Variants in RASAL2 observed in about 807,000 individuals in gnomAD.
The protein encoded by RASAL2 is ras GTPase-activating protein nGAP.
A neutral mutation model predicts 128.9 loss-of-function variants in RASAL2; 58 were observed. That is an observed-to-expected ratio of 0.45 (90% CI 0.36 to 0.56). RASAL2 has a LOEUF of 0.56. Among genes scored for constraint, RASAL2 ranks in the 20% least tolerant of loss-of-function variants. The pLI is 0.00. For synonymous variants in RASAL2, 561 were observed against 580.8 expected (o/e 0.97, Z 0.49); for missense variants, 1,360 against 1,601.6 (o/e 0.85, Z 2.57).
chr1:178,176,255 G>A (rs1043710119), intron 1 of RASAL2, among the ~76,000 whole-genome samples: 16 of 151,994 alleles, frequency 1.1e-4, no homozygotes, highest in African/African-American at 3.6e-4. Context: ...CCATTCTTGC[G>A]TGGCCATTAT....
intron 4 of RASAL2, among the ~76,000 whole-genome samples, chr1:178,416,590 A>G (rs927195919): frequency 3.3e-5 from 5 of 152,034 alleles, no homozygotes; most frequent in South Asian, 2.1e-4. Flanking sequence ...TTTGTGACCT[A>G]TATTGTTTTC....
intron 1 of RASAL2, among the ~76,000 whole-genome samples, chr1:178,107,118 A>AT (rs1416497869): frequency 2.0e-5 from 3 of 152,096 alleles, no homozygotes; most frequent in African/African-American, 7.2e-5. Context: ...TCATTTCTCC[A>AT]TTTTATCAGG....
intron 3 of RASAL2, among the ~76,000 whole-genome samples, chr1:178,311,469 C>G (rs1571834166): frequency 6.6e-6 from 1 of 152,060 alleles, no homozygotes; most frequent in South Asian, 2.1e-4. Flanking sequence ...CTCCTCTTCC[C>G]CATTCCACTG....
intron 5 of RASAL2, among the ~76,000 whole-genome samples, chr1:178,428,473 C>CTTTTTTTTTTTTTTT (rs1557981640): frequency 6.6e-6 from 1 of 151,378 alleles, no homozygotes; most frequent in African/African-American, 2.4e-5. Flanking sequence ...ATGATTTTAG[C>CTTTTTTTTTTTTTTT]TTTTATATAT....
intron 11 of RASAL2, among the ~76,000 whole-genome samples, chr1:178,453,609 T>C (rs1677544574): frequency 6.6e-6 from 1 of 152,142 alleles, no homozygotes; most frequent in Non-Finnish European, 1.5e-5. Context: ...TTGGGTAGCT[T>C]GAATGATACA....
intron 1 of RASAL2, among the ~76,000 whole-genome samples, chr1:178,160,401 G>A (rs1395691821): frequency 3.3e-5 from 5 of 152,252 alleles, no homozygotes; most frequent in East Asian, 1.9e-4. Flanking sequence ...TCGGGAGGCC[G>A]AGATGGGTGG....
chr1:178,190,088 C>G (rs1571606672), intron 1 of RASAL2, among the ~76,000 whole-genome samples: 2 of 142,484 alleles, frequency 1.4e-5, no homozygotes, highest in African/African-American at 6.2e-5. Flanking sequence ...TCCTTCAGCC[C>G]CCTACCCCAC....
chr1:178,442,817 A>G lies in RASAL2; in HGVS notation c.1070A>G (p.Asn357Ser), dbSNP rs754941472. Residue 357 changes from asparagine to serine, a missense_variant, in exon 8 of 18, where the codon AAT becomes AGT. By Grantham distance (46) the Asn-to-Ser change is conservative (BLOSUM62 1). Coordinates refer to ENST00000367649, the MANE Select transcript of RASAL2 (RefSeq NM_170692.4). Reference sequence around the variant, plus strand: ...ACAACCAGCAAGACCAAAGCAGACAATATTTTCTGGGGCGAACATTTTGAA... The same window carrying G: ...ACAACCAGCAAGACCAAAGCAGACAGTATTTTCTGGGGCGAACATTTTGAA... ...ARTTSKTKAD[N>S]IFWGEHFEFF... 1.2e-6 allele frequency: 2 copies of G among 1,613,996 alleles called. No homozygotes were observed. The highest frequency in any genetic ancestry group is 1.7e-6 in the Non-Finnish European group (2 of 1,179,946).
At position 178,441,654 on chromosome 1, in the gene RASAL2, G is replaced by A. The variant is rs756033416; in HGVS notation, c.927+7G>A. 3.1e-6 allele frequency: 5 copies of A among 1,590,568 alleles called. No individual in the cohort carries two copies. The African/African-American group carries it at 5.4e-5, about 17-fold the overall frequency. On this transcript the variant is annotated splice_region_variant and intron_variant, in intron 7 of 17. Coordinates refer to ENST00000367649, the MANE Select transcript of RASAL2 (RefSeq NM_170692.4). ...GACAGTTCAACCTAATAAGGTAATA[G>A]TAGCTTCAAGTATCTAAAAAATGTA...
intron 3 of RASAL2, among the ~76,000 whole-genome samples, chr1:178,321,354 G>A (rs1668767952): frequency 6.6e-6 from 1 of 152,066 alleles, no homozygotes; most frequent in Non-Finnish European, 1.5e-5. Flanking sequence ...CCAAAGTGCT[G>A]CAATTACAGG....
chr1:178,122,297 A>G (rs1275912010), intron 1 of RASAL2, among the ~76,000 whole-genome samples: 1 of 152,210 alleles, frequency 6.6e-6, no homozygotes, highest in Admixed American at 6.5e-5. Context: ...TACGACAAGT[A>G]TGGGATTGTT....
intron 1 of RASAL2, among the ~76,000 whole-genome samples, chr1:178,230,374 A>T (rs1271379666): frequency 2.0e-5 from 3 of 152,204 alleles, no homozygotes; most frequent in African/African-American, 7.2e-5. Context: ...AACTGCAAAC[A>T]TGTTCCATAG....
At chr1:178,152,704 C>A (rs146219077) in intron 1 of RASAL2, among the ~76,000 whole-genome samples, 1 of 151,984 alleles carries the variant, frequency 6.6e-6, no homozygotes, top group Non-Finnish European at 1.5e-5. Flanking sequence ...CCACCTTTTT[C>A]GGTAGAAAAT....
chr1:178,232,688 C>CT (rs1377064543), intron 1 of RASAL2, among the ~76,000 whole-genome samples: 1 of 152,088 alleles, frequency 6.6e-6, no homozygotes, highest in Non-Finnish European at 1.5e-5. Context: ...ACAATATTAA[C>CT]TTTGAGAGAT....
chr1:178,390,589 G>C (rs1203029640), intron 4 of RASAL2, among the ~76,000 whole-genome samples: 1 of 152,022 alleles, frequency 6.6e-6, no homozygotes, highest in Non-Finnish European at 1.5e-5. Context: ...ACATTGGCCA[G>C]GCTGGTCTCA....
chr1:178,451,549 G>A (rs375286706), intron 9 of RASAL2, 22 bp from the exon 10 acceptor site: 179 of 1,610,368 alleles, frequency 1.1e-4, no homozygotes, highest in African/African-American at 3.3e-4. Context: ...TAGCTATACC[G>A]TTATCTTCTC....
intron 3 of RASAL2, among the ~76,000 whole-genome samples, chr1:178,357,996 G>A (rs1297303666): frequency 6.6e-6 from 1 of 151,970 alleles, no homozygotes; most frequent in Non-Finnish European, 1.5e-5. Flanking sequence ...AGCACTTTGG[G>A]AAGCTAAGGA....
intron 3 of RASAL2, chr1:178,341,496 G>A: frequency 5.7e-6 from 9 of 1,582,302 alleles, no homozygotes; most frequent in African/African-American, 1.3e-5. Context: ...AAGGGAGAGA[G>A]CAGGAAAGCG....
chr1:178,213,377 C>T (rs1457231278), intron 1 of RASAL2, among the ~76,000 whole-genome samples: 8 of 152,210 alleles, frequency 5.3e-5, no homozygotes, highest in Admixed American at 2.0e-4. Flanking sequence ...GCCTACCTTA[C>T]GACCAGCAAC....
Sources: allele counts gnomAD v4.1 joint callset (sites outside exome capture counted in the v4.1 genomes callset), GRCh38; gene constraint gnomAD v4.1.1; transcripts MANE v1.5; gene names NCBI Gene and HGNC (gene_info 2026-07-23, HGNC 2026-07-21).